Variants in RBFOX1 observed in about 807,000 individuals in gnomAD.
RBFOX1 encodes RNA binding fox-1 homolog 1.
RBFOX1 carries 8 observed loss-of-function variants against 57.7 expected under a neutral mutation model. The ratio of observed to expected loss-of-function variants is 0.14; its 90% CI spans 0.08 to 0.25. The LOEUF (loss-of-function observed/expected upper bound fraction) is 0.25, where lower values mean the gene tolerates loss of function less well. Among genes scored for constraint, RBFOX1 ranks in the 10% least tolerant of loss-of-function variants. The pLI is 1.00. For synonymous variants in RBFOX1, 326 were observed against 222.4 expected (o/e 1.47, Z -4.15); for missense variants, 611 against 548.5 (o/e 1.11, Z -1.14).
At position 6,076,542 on chromosome 16, in the gene RBFOX1, A is replaced by T. The variant is rs184242345; in HGVS notation, c.-127+56550A>T. Among the ~76,000 whole-genome samples, 32 of 152,124 alleles carry T rather than the reference A, an allele frequency of 2.1e-4. No homozygotes were observed. The East Asian group carries it at 6.2e-3, about 30-fold the overall frequency. ...GAGGACAGTGGTGCGATCATAGCTC[A>T]CTGCAGCCTCGATCTCCTGGCCTCA... On this transcript the variant is annotated intron_variant, in intron 1 of 15. Coordinates refer to ENST00000550418, the MANE Select transcript of RBFOX1 (RefSeq NM_018723.4).
intron 3 of RBFOX1, among the ~76,000 whole-genome samples, chr16:5,764,469 C>A (rs2053706373): frequency 6.6e-6 from 1 of 152,162 alleles, no homozygotes; most frequent in Non-Finnish European, 1.5e-5. Flanking sequence ...TACTTTACCC[C>A]TTTTCTTTAT....
chr16:6,679,878 G>GTTTTTTTTTTTTT (rs71145274), intron 3 of RBFOX1, among the ~76,000 whole-genome samples: 8 of 114,306 alleles, frequency 7.0e-5, no homozygotes, highest in African/African-American at 1.6e-4. Context: ...GTTTCTACTT[G>GTTTTTTTTTTTTT]TTTTTTTTTT....
intron 3 of RBFOX1, among the ~76,000 whole-genome samples, chr16:6,893,563 C>G (rs1035519408): frequency 1.1e-4 from 16 of 152,048 alleles, no homozygotes; most frequent in Non-Finnish European, 2.2e-4. Flanking sequence ...TCCATGAGCC[C>G]CAAAGTAAAT....
chr16:6,676,570 C>T (rs62015866), intron 3 of RBFOX1, among the ~76,000 whole-genome samples: 1 of 151,786 alleles, frequency 6.6e-6, no homozygotes, highest in Non-Finnish European at 1.5e-5. Context: ...AATATGTAAG[C>T]TATTTCGTAT....
chr16:5,824,744 A>G (rs1423152474), intron 3 of RBFOX1, among the ~76,000 whole-genome samples: 1 of 152,190 alleles, frequency 6.6e-6, no homozygotes, highest in Non-Finnish European at 1.5e-5. Flanking sequence ...GTTGCTTTCT[A>G]CATTATAACT....
At chr16:5,573,919 A>C (rs886932774) in intron 2 of RBFOX1, among the ~76,000 whole-genome samples, 1 of 152,160 alleles carries the variant, frequency 6.6e-6, no homozygotes, top group African/African-American at 2.4e-5. Flanking sequence ...GCGCCACTGC[A>C]CTCCAACCTG....
At chr16:6,482,584 A>G (rs1436120078) in intron 2 of RBFOX1, among the ~76,000 whole-genome samples, 1 of 152,232 alleles carries the variant, frequency 6.6e-6, no homozygotes, top group African/African-American at 2.4e-5. Context: ...TTCAACAGAG[A>G]CGACAGTTGT....
intron 3 of RBFOX1, among the ~76,000 whole-genome samples, chr16:6,820,499 GT>G (rs1297795069): frequency 2.0e-5 from 3 of 152,000 alleles, no homozygotes; most frequent in Non-Finnish European, 4.4e-5. Flanking sequence ...TACAGAAAAA[GT>G]TTTTAAAAAG....
chr16:5,250,539 T>C (rs1423959061), intron 1 of RBFOX1, among the ~76,000 whole-genome samples: 1 of 152,254 alleles, frequency 6.6e-6, no homozygotes, highest in Admixed American at 6.5e-5. Context: ...TTTCTGTTCC[T>C]GTCCACACCT....
chr16:7,423,116 AGAGAGAGAGAGAGAAT>A (rs2098558582), intron 4 of RBFOX1: 1 of 151,298 alleles, frequency 6.6e-6, no homozygotes, highest in Non-Finnish European at 1.5e-5. Flanking sequence ...AGAGAGAGAG[AGAGAGAGAGAGAGAAT>A]ATGAATATGG....
At chr16:5,395,427 C>T (rs480697) in intron 1 of RBFOX1, among the ~76,000 whole-genome samples, 3,992 of 151,218 alleles carry the variant, frequency 0.026, 186 homozygotes, top group African/African-American at 0.093. Context: ...AACGCAGTTG[C>T]GGGTGAGGTC....
intron 2 of RBFOX1, among the ~76,000 whole-genome samples, chr16:6,417,324 C>T (rs1247762445): frequency 6.7e-6 from 1 of 149,816 alleles, no homozygotes; most frequent in Non-Finnish European, 1.5e-5. Flanking sequence ...TTTCACCTTT[C>T]TTTCCCTTTC....
intron 4 of RBFOX1, among the ~76,000 whole-genome samples, chr16:5,954,109 G>A (rs897846267): frequency 1.3e-5 from 2 of 152,172 alleles, no homozygotes; most frequent in African/African-American, 2.4e-5. Flanking sequence ...CGAGAATGAC[G>A]CAGTCCAAAC....
At chr16:7,213,944 C>T (rs1162368707) in intron 4 of RBFOX1, among the ~76,000 whole-genome samples, 4 of 147,334 alleles carry the variant, frequency 2.7e-5, no homozygotes, top group African/African-American at 5.1e-5. Flanking sequence ...TTGTTAAGAA[C>T]TAAAATATTC....
At position 7,356,142 on chromosome 16, in the gene RBFOX1, C is replaced by G. The variant is rs1307963123; in HGVS notation, c.28-162005C>G. Among the ~76,000 whole-genome samples, 60 of 152,170 alleles carry G rather than the reference C, an allele frequency of 3.9e-4. 1 individual carries two copies. The highest frequency in any genetic ancestry group is 1.5e-5 in the Non-Finnish European group (1 of 68,036). ...ATAAGGTCAGTATGTTCATCCAATCCTTTATTCATCACGTAACTATCAGGC... is the reference window on the plus strand; with the variant it reads ...ATAAGGTCAGTATGTTCATCCAATCGTTTATTCATCACGTAACTATCAGGC... On this transcript the variant is annotated intron_variant, in intron 4 of 15. Coordinates refer to ENST00000550418, the MANE Select transcript of RBFOX1 (RefSeq NM_018723.4).
chr16:5,428,817 T>G (rs2067642398), intron 1 of RBFOX1, among the ~76,000 whole-genome samples: 1 of 152,184 alleles, frequency 6.6e-6, no homozygotes, highest in Non-Finnish European at 1.5e-5. Context: ...TTTTGGGGAC[T>G]GTAGCTGAGT....
At chr16:7,227,383 C>T (rs2093205120) in intron 4 of RBFOX1, among the ~76,000 whole-genome samples, 1 of 149,826 alleles carries the variant, frequency 6.7e-6, no homozygotes, top group Non-Finnish European at 1.5e-5. Flanking sequence ...GCATAATCCT[C>T]CTCTCGTAAC....
chr16:6,610,201 G>A (rs1486869741), intron 2 of RBFOX1, among the ~76,000 whole-genome samples: 2 of 152,160 alleles, frequency 1.3e-5, no homozygotes, highest in Non-Finnish European at 2.9e-5. Flanking sequence ...TCATTCTGCT[G>A]AGAGTGCATC....
At position 6,790,309 on chromosome 16, in the gene RBFOX1, C is replaced by A. The variant is rs943051981; in HGVS notation, c.-16+135659C>A. 2.0e-5 allele frequency among the ~76,000 whole-genome samples: 3 copies of A among 151,782 alleles called. No homozygotes were observed. The East Asian group carries it at 5.8e-4, about 30-fold the overall frequency. ...CAGCCATTCTCCTGCCTCAGCTTAC[C>A]GAGTAGCTGGTATTACAGGCACCCG... On this transcript the variant is annotated intron_variant, in intron 3 of 15. Coordinates refer to ENST00000550418, the MANE Select transcript of RBFOX1 (RefSeq NM_018723.4).
Sources: allele counts gnomAD v4.1 joint callset (sites outside exome capture counted in the v4.1 genomes callset), GRCh38; gene constraint gnomAD v4.1.1; transcripts MANE v1.5; gene names NCBI Gene and HGNC (gene_info 2026-07-23, HGNC 2026-07-21).